Variants in IZUMO4 observed in about 807,000 individuals in gnomAD.
The protein encoded by IZUMO4 is izumo sperm-egg fusion protein 4.
Under a neutral mutation model 37.1 loss-of-function variants are expected in IZUMO4, and 51 were observed. The ratio of observed to expected loss-of-function variants is 1.38; its 90% CI spans 1.10 to 1.74. The LOEUF is 1.74. Ranked by LOEUF, IZUMO4 falls within the 40% of genes most tolerant of loss-of-function variation. IZUMO4 has a pLI of 0.00. For synonymous variants in IZUMO4, 162 were observed against 121.4 expected (o/e 1.33, Z -2.20); for missense variants, 364 against 299.6 (o/e 1.21, Z -1.59).
Position 2,098,442 on chromosome 19 carries a change from C to G in IZUMO4, c.528C>G (p.Asn176Lys). The G allele has an allele frequency of 1.2e-6, 2 of 1,613,940 alleles. No homozygotes were observed. Among genetic ancestry groups the G allele is most frequent in the South Asian group, 1.1e-5 (1 of 91,090 alleles). The change falls in exon 7 of 10, where the codon AAC becomes AAG. Residue 176 changes from asparagine to lysine, a missense_variant. By Grantham distance (94) the Asn-to-Lys change is moderately conservative. Transcript: ENST00000395301. ...AVQGLLNYIN[N>K]WHKQDTSMRP... Reference sequence around the variant, plus strand: ...AAACCCACTGTCTTTGTAGAAATAACTGGCACAAGTAAGTCCCCTCCTCAA... The same window carrying G: ...AAACCCACTGTCTTTGTAGAAATAAGTGGCACAAGTAAGTCCCCTCCTCAA...
Position 2,098,072 on chromosome 19 carries a change from A to G in IZUMO4, c.418A>G (p.Ile140Val). 6.2e-7 allele frequency: 1 copy of G among 1,613,448 alleles called. No homozygotes were observed. Among genetic ancestry groups the G allele is most frequent in the Non-Finnish European group, 8.5e-7 (1 of 1,179,994 alleles). ...HRCGIFQYET[I>V]SCNNCTDSHV... Reference sequence around the variant, plus strand: ...TTCAGGCATCTTCCAGTACGAGACCATCTCCTGCAACAACTGCACAGACTC... The same window carrying G: ...TTCAGGCATCTTCCAGTACGAGACCGTCTCCTGCAACAACTGCACAGACTC... The change falls in exon 5 of 10, where the codon ATC becomes GTC. Residue 140 changes from isoleucine (I) to valine (V), a missense_variant. By Grantham distance (29) the Ile-to-Val change is conservative (BLOSUM62 3). Transcript: ENST00000395301.
At position 2,099,329 on chromosome 19, in the gene IZUMO4, G is replaced by T. The variant is rs765789061; in HGVS notation, c.683G>T (p.Cys228Phe). ...CTGACCTTGGAAGATGCTGCTGAGT[G>T]TCTCAAGCAGCACTGACAGCAGCTG... ...ANLTLEDAAE[C>F]LKQH is the part of the protein sequence containing the mutation. The change falls in exon 10 of 10, where the codon TGT becomes TTT. Residue 228 changes from cysteine (C) to phenylalanine (F), a missense_variant. Transcript: ENST00000395301. The T allele has an allele frequency of 5.6e-6, 9 of 1,612,370 alleles. 1 individual carries two copies. In the Admixed American group the frequency reaches 1.5e-4, roughly 27 times the overall value.
intron 9 of IZUMO4, 105 bp from the exon 10 acceptor site, chr19:2,099,150 A>G: frequency 7.3e-7 from 1 of 1,374,194 alleles, no homozygotes; most frequent in Non-Finnish European, 1.0e-6. Context: ...ATGTGGCCAC[A>G]CATAGGACCA....
chr19:2,098,638 C>A, intron 7 of IZUMO4, 149 bp from the exon 8 acceptor site: 2 of 1,557,990 alleles, frequency 1.3e-6, no homozygotes, highest in Non-Finnish European at 1.7e-6. Context: ...GGTCTCCGAC[C>A]CTCAGCTGGA....
Position 2,097,954 on chromosome 19 carries a change from T to A in IZUMO4, c.396T>A (p.Cys132Ter). ...GCCGCATCGACTGTCAGCACCGCTG[T>A]GGTAAGCAAGGCTCCGTCCAGGCTG... ...IESRIDCQHR[C>*]GIFQYETISC... Residue 132 changes from cysteine to a stop codon, truncating the protein, a stop_gained and splice_region_variant, in exon 4 of 10, where the codon TGT (cysteine) becomes TGA (stop). Transcript: ENST00000395301. LOFTEE classifies it high-confidence loss of function. 3 of 1,613,086 alleles carry A rather than the reference T, an allele frequency of 1.9e-6. No homozygotes were observed. Among genetic ancestry groups the A allele is most frequent in the Non-Finnish European group, 2.5e-6 (3 of 1,179,916 alleles).
At position 2,098,900 on chromosome 19, in the gene IZUMO4, G is replaced by A. The variant is rs370064845; in HGVS notation, c.555-76G>A. ...CTAGATCAGTGGGGGCACTGCAGGT[G>A]GGGCTCTCCCTATACCTGGGACACC... On this transcript the variant is annotated intron_variant, in intron 8 of 9. Coordinates refer to ENST00000395301, the MANE Select transcript of IZUMO4 (RefSeq NM_001039846.2). 495 of 1,583,216 alleles carry A rather than the reference G, an allele frequency of 3.1e-4. 1 individual carries two copies. The highest frequency in any genetic ancestry group is 2.0e-3 in the African/African-American group (149 of 74,400).
intron 3 of IZUMO4, 63 bp from the exon 4 acceptor site, chr19:2,097,866 G>A: frequency 3.8e-6 from 6 of 1,599,716 alleles, no homozygotes; most frequent in Non-Finnish European, 4.3e-6. Context: ...GGAGGGTTGG[G>A]AGGAGGCAGG....
At chr19:2,098,740 T>G in intron 7 of IZUMO4, 47 bp from the exon 8 acceptor site, 2 of 1,603,980 alleles carry the variant, frequency 1.2e-6, no homozygotes, top group Non-Finnish European at 1.7e-6. Context: ...CCTACGATGG[T>G]TAGGGGTGCC....
chr19:2,098,168 C>A lies in IZUMO4; in HGVS notation c.473+41C>A, dbSNP rs771606695. ...CACACCCACCCGTGCCAGGGCCCTA[C>A]TGTCCCTGGGGTCCCAGGCTCTCCT... On this transcript the variant is annotated intron_variant, in intron 5 of 9. Coordinates refer to ENST00000395301, the MANE Select transcript of IZUMO4 (RefSeq NM_001039846.2). The A allele has an allele frequency of 2.5e-6, 4 of 1,609,200 alleles. No homozygotes were observed. The South Asian group carries it at 3.3e-5, about 13-fold the overall frequency.
intron 8 of IZUMO4, 52 bp from the exon 9 acceptor site, chr19:2,098,924 C>A: frequency 1.3e-6 from 2 of 1,597,902 alleles, no homozygotes; most frequent in Non-Finnish European, 1.7e-6. Flanking sequence ...ACCTGGGACA[C>A]CTGCTGGATG....
At position 2,098,476 on chromosome 19, in the gene IZUMO4, A is replaced by T. The variant is rs768764624; in HGVS notation, c.536+26A>T. 7 of 1,613,710 alleles carry T rather than the reference A, an allele frequency of 4.3e-6. No homozygotes were observed. In the Admixed American group the frequency reaches 1.2e-4, roughly 27 times the overall value. Reference sequence around the variant, plus strand: ...GTAAGTCCCCTCCTCAAACCAACACAGGCAGTGTGTGTATGTGAGCACCTC... The same window carrying T: ...GTAAGTCCCCTCCTCAAACCAACACTGGCAGTGTGTGTATGTGAGCACCTC... On this transcript the variant is annotated intron_variant, in intron 7 of 9. Transcript: ENST00000395301.
chr19:2,099,123 G>A, intron 9 of IZUMO4, 94 bp downstream of exon 9: 1 of 1,392,686 alleles, frequency 7.2e-7, no homozygotes, highest in Non-Finnish European at 1.0e-6. Flanking sequence ...GACATCCCAG[G>A]CACGAGGGTG....
In IZUMO4 at chr19:2,099,127, G is replaced by A. The variant is rs547144844; in HGVS notation, c.608+98G>A. ...CACACCCTGCTGACATCCCAGGCACGAGGGTGTCGTGGATGTGGCCACACA... is the reference window on the plus strand; with the variant it reads ...CACACCCTGCTGACATCCCAGGCACAAGGGTGTCGTGGATGTGGCCACACA... On this transcript the variant is annotated intron_variant, in intron 9 of 9. Transcript: ENST00000395301. The A allele has an allele frequency of 1.2e-3, 1,612 of 1,398,872 alleles. 3 individuals are homozygous for A. The highest frequency in any genetic ancestry group is 1.5e-3 in the Non-Finnish European group (1,446 of 985,860). The allele number at this position is 1,398,872 out of a possible 1,614,324, so 86.7% of individuals were successfully genotyped here. A position where few individuals can be genotyped will look rare whatever the true frequency, so the allele number is the denominator to read the frequency against.
chr19:2,098,027 C>T, intron 4 of IZUMO4, 25 bp from the exon 5 acceptor site: 1 of 1,613,218 alleles, frequency 6.2e-7, no homozygotes, highest in Non-Finnish European at 8.5e-7. Flanking sequence ...GAGGGGAGCC[C>T]TGGCGGCTCT....
chr19:2,099,458 G>A lies in IZUMO4; in HGVS notation c.*113G>A, dbSNP rs116184639. 2,252 of 720,846 alleles carry A rather than the reference G, an allele frequency of 3.1e-3. 28 individuals are homozygous for A. Among genetic ancestry groups the A allele is most frequent in the African/African-American group, 0.028 (1,595 of 56,938 alleles). The allele number at this position is 720,846 out of a possible 1,614,324, so 44.7% of individuals were successfully genotyped here. On this transcript the variant is annotated 3_prime_UTR_variant, in exon 10 of 10. Coordinates refer to ENST00000395301, the MANE Select transcript of IZUMO4 (RefSeq NM_001039846.2). ...GCCTCAGGACCCCCTCTCCGACCCC[G>A]GACAGAGCTGAGCTGGCCAGGGCCA... is the stretch of plus-strand genomic sequence containing the variant.
chr19:2,097,881 G>A, intron 3 of IZUMO4, 48 bp from the exon 4 acceptor site: 1 of 1,609,738 alleles, frequency 6.2e-7, no homozygotes. Flanking sequence ...GGCAGGACTG[G>A]GGACAAGGCT....
In IZUMO4 at chr19:2,099,331, C is replaced by T. The variant is rs375600736; in HGVS notation, c.685C>T (p.Leu229Phe). 26 of 1,612,110 alleles carry T rather than the reference C, an allele frequency of 1.6e-5. No individual in the cohort carries two copies. The East Asian group carries it at 2.7e-4, about 17-fold the overall frequency. The change falls in exon 10 of 10, where the codon CTC becomes TTC. Residue 229 changes from leucine (L) to phenylalanine (F), a missense_variant. By Grantham distance (22) the Leu-to-Phe change is conservative. Coordinates refer to ENST00000395301, the MANE Select transcript of IZUMO4 (RefSeq NM_001039846.2). ...NLTLEDAAEC[L>F]KQH ...GACCTTGGAAGATGCTGCTGAGTGT[C>T]TCAAGCAGCACTGACAGCAGCTGGG...
Position 2,099,441 on chromosome 19 carries a change from AC to A in IZUMO4, c.*101del, listed in dbSNP as rs752214365. The A allele has an allele frequency of 9.2e-5, 56 of 607,758 alleles. No individual in the cohort carries two copies. Among genetic ancestry groups the A allele is most frequent in the Admixed American group, 3.8e-4 (15 of 39,702 alleles). 37.6% of individuals were successfully genotyped at this position (607,758 alleles called of 1,614,324 possible). A position where few individuals can be genotyped will look rare whatever the true frequency, so the allele number is the denominator to read the frequency against. ...GGAGCTGGGCTGCTGCTGCCTCAGG[AC>A]CCCCTCTCCGACCCCGGACAGAGCT... On this transcript the variant is annotated 3_prime_UTR_variant, in exon 10 of 10. Coordinates refer to ENST00000395301, the MANE Select transcript of IZUMO4 (RefSeq NM_001039846.2).
intron 5 of IZUMO4, 28 bp downstream of exon 5, chr19:2,098,155 T>C (rs1211160830): frequency 6.2e-7 from 1 of 1,612,470 alleles, no homozygotes; most frequent in Non-Finnish European, 8.5e-7. Flanking sequence ...CACCCACCCG[T>C]GCCAGGGCCC....
Sources: gnomAD v4.1 joint callset for allele counts on GRCh38, gnomAD v4.1.1 for gene constraint, MANE v1.5 for transcripts, NCBI Gene and HGNC (gene_info 2026-07-23, HGNC 2026-07-21) for gene names.